The following OXR1 variants were observed in gnomAD, a reference collection of about 807,000 sequenced individuals.
OXR1 encodes the protein oxidation resistance protein 1.
OXR1 carries 41 observed loss-of-function variants against 104.6 expected under a neutral mutation model. The ratio of observed to expected loss-of-function variants is 0.39; its 90% CI spans 0.31 to 0.51. The LOEUF is 0.51. OXR1 is among the 20% of genes least tolerant of loss of function. The pLI is 0.77. For synonymous variants in OXR1, 348 were observed against 348.4 expected (o/e 1.00, Z 0.01); for missense variants, 955 against 1,031.9 (o/e 0.93, Z 1.02).
chr8:106,472,422 C>G (rs936104445), intron 2 of OXR1, among the ~76,000 whole-genome samples: 3 of 151,554 alleles, frequency 2.0e-5, no homozygotes, highest in Non-Finnish European at 1.5e-5. Context: ...CATACTGTTA[C>G]GTGCTTCAGG....
At chr8:106,435,693 T>G (rs1240277308) in intron 2 of OXR1, among the ~76,000 whole-genome samples, 1 of 152,166 alleles carries the variant, frequency 6.6e-6, no homozygotes, top group Admixed American at 6.5e-5. Flanking sequence ...GTGATACTAT[T>G]TCACTATAGT....
intron 1 of OXR1, among the ~76,000 whole-genome samples, 152 bp from the exon 2 acceptor site, chr8:106,359,324 G>T (rs1300812254): frequency 1.3e-5 from 2 of 151,744 alleles, no homozygotes; most frequent in Non-Finnish European, 2.9e-5. Flanking sequence ...TTTTATCTTT[G>T]GTTTATTACA....
intron 2 of OXR1, among the ~76,000 whole-genome samples, chr8:106,406,982 G>T (rs1477312979): frequency 6.6e-6 from 1 of 152,074 alleles, no homozygotes; most frequent in Non-Finnish European, 1.5e-5. Context: ...TAAATACTCT[G>T]GCTGTGCGAG....
chr8:106,534,299 C>A (rs1193543621), intron 3 of OXR1, among the ~76,000 whole-genome samples: 1 of 152,144 alleles, frequency 6.6e-6, no homozygotes, highest in Non-Finnish European at 1.5e-5. Context: ...TATTTGATCC[C>A]AAGTTATCAT....
chr8:106,436,431 C>T (rs1462467074), intron 2 of OXR1, among the ~76,000 whole-genome samples: 2 of 151,950 alleles, frequency 1.3e-5, no homozygotes, highest in African/African-American at 2.4e-5. Flanking sequence ...ATCCAAATAG[C>T]CACCACTGTA....
intron 2 of OXR1, among the ~76,000 whole-genome samples, chr8:106,424,900 T>C (rs1271416999): frequency 6.6e-6 from 1 of 152,042 alleles, no homozygotes; most frequent in African/African-American, 2.4e-5. Context: ...ATTTCTTCCT[T>C]TTGATTTGAC....
intron 2 of OXR1, among the ~76,000 whole-genome samples, chr8:106,465,423 T>C (rs898879127): frequency 3.3e-5 from 5 of 151,962 alleles, no homozygotes; most frequent in African/African-American, 1.2e-4. Context: ...TAACACTGAT[T>C]GATATGGGAA....
chr8:106,750,300 A>G (rs1306055022), intron 16 of OXR1, among the ~76,000 whole-genome samples: 1 of 150,662 alleles, frequency 6.6e-6, no homozygotes, highest in Non-Finnish European at 1.5e-5. Flanking sequence ...TATCATAAAT[A>G]ATTTTTTTCT....
At chr8:106,668,899 A>C (rs1563685891) in intron 3 of OXR1, among the ~76,000 whole-genome samples, 6 of 152,304 alleles carry the variant, frequency 3.9e-5, no homozygotes. Context: ...GTGCGTGCAA[A>C]TCAATAGTAA....
intron 2 of OXR1, among the ~76,000 whole-genome samples, chr8:106,381,344 G>A (rs767026616): frequency 6.6e-5 from 10 of 152,132 alleles, no homozygotes; most frequent in Non-Finnish European, 1.5e-4. Context: ...GTAGGAGAGA[G>A]GAGGCTGGTG....
At chr8:106,617,088 G>A (rs1192527879) in intron 3 of OXR1, among the ~76,000 whole-genome samples, 3 of 152,152 alleles carry the variant, frequency 2.0e-5, no homozygotes, top group Non-Finnish European at 2.9e-5. Flanking sequence ...AGAAGCAGCC[G>A]GGCTATAGGT....
chr8:106,404,522 C>T (rs1315924836), intron 2 of OXR1, among the ~76,000 whole-genome samples: 1 of 152,010 alleles, frequency 6.6e-6, no homozygotes, highest in Non-Finnish European at 1.5e-5. Context: ...AGGTTTCCTT[C>T]AGAACACACA....
chr8:106,295,408 T>C (rs1202287012), intron 1 of OXR1, among the ~76,000 whole-genome samples: 2 of 152,172 alleles, frequency 1.3e-5, no homozygotes, highest in Admixed American at 6.6e-5. Flanking sequence ...TATATATGTC[T>C]ATCATATATA....
chr8:106,411,543 G>A (rs1303788304), intron 2 of OXR1, among the ~76,000 whole-genome samples: 1 of 152,162 alleles, frequency 6.6e-6, no homozygotes, highest in African/African-American at 2.4e-5. Context: ...CTGGAAGAGA[G>A]GGTCGCTAAG....
chr8:106,733,163 A>G (rs1042220382), intron 11 of OXR1, among the ~76,000 whole-genome samples: 2 of 152,168 alleles, frequency 1.3e-5, no homozygotes, highest in African/African-American at 4.8e-5. Flanking sequence ...AGTAGCTGAG[A>G]TAATAGGCAT....
At chr8:106,308,717 A>G (rs1262954087) in intron 1 of OXR1, among the ~76,000 whole-genome samples, 1 of 152,220 alleles carries the variant, frequency 6.6e-6, no homozygotes, top group African/African-American at 2.4e-5. Context: ...TAAAAATGCT[A>G]GAATGCATTA....
At chr8:106,651,762 A>G (rs1035451188) in intron 3 of OXR1, among the ~76,000 whole-genome samples, 1 of 152,110 alleles carries the variant, frequency 6.6e-6, no homozygotes, top group East Asian at 1.9e-4. Context: ...GCAATTCTAT[A>G]TGAATTTGAG....
At chr8:106,666,292 G>T (rs553992395) in intron 3 of OXR1, among the ~76,000 whole-genome samples, 1 of 152,250 alleles carries the variant, frequency 6.6e-6, no homozygotes, top group South Asian at 2.1e-4. Context: ...TGATGAAAAT[G>T]GTCTGTATCT....
chr8:106,339,384 A>G (rs1815106333), intron 1 of OXR1, among the ~76,000 whole-genome samples: 1 of 148,832 alleles, frequency 6.7e-6, no homozygotes, highest in Admixed American at 6.8e-5. Context: ...AGTCCCAGCT[A>G]CTGGGGAGGC....
Sources: allele counts gnomAD v4.1 joint callset (sites outside exome capture counted in the v4.1 genomes callset), GRCh38; gene constraint gnomAD v4.1.1; transcripts MANE v1.5; gene names NCBI Gene and HGNC (gene_info 2026-07-23, HGNC 2026-07-21).